The following P3H2 variants were observed in gnomAD, a reference collection of about 807,000 sequenced individuals.
P3H2 encodes leprecan-like 1.
A neutral mutation model predicts 87.0 loss-of-function variants in P3H2; 80 were observed. That is an observed-to-expected ratio of 0.92 (90% CI 0.77 to 1.11). P3H2 has a LOEUF of 1.11. Among genes scored for constraint, P3H2 ranks in the 50% least tolerant of loss-of-function variants. The probability of loss-of-function intolerance (pLI) is 0.00; values close to 1 mark genes in which losing one functional copy is unlikely to be tolerated. For missense variants in P3H2, 1,001 were observed against 923.9 expected (o/e 1.08, Z -1.08); for synonymous variants, 367 against 359.3 (o/e 1.02, Z -0.24).
intron 1 of P3H2, among the ~76,000 whole-genome samples, chr3:190,037,104 T>C (rs942587092): frequency 2.0e-5 from 3 of 152,114 alleles, no homozygotes; most frequent in African/African-American, 7.2e-5. Context: ...ATATAGCTCA[T>C]CTCATTTGAC....
intron 1 of P3H2, among the ~76,000 whole-genome samples, chr3:190,111,313 C>T (rs1712061438): frequency 6.6e-6 from 1 of 152,114 alleles, no homozygotes; most frequent in Admixed American, 6.5e-5. Flanking sequence ...CGGGGCCTTA[C>T]AAATAGTGGT....
intron 1 of P3H2, among the ~76,000 whole-genome samples, chr3:190,009,993 G>GATGA (rs1203633959): frequency 6.6e-6 from 1 of 152,226 alleles, no homozygotes; most frequent in South Asian, 2.1e-4. Flanking sequence ...ATAAAAGGAA[G>GATGA]ATGACTAGGA....
chr3:190,040,329 A>G (rs1372102223), intron 1 of P3H2, among the ~76,000 whole-genome samples: 2 of 152,248 alleles, frequency 1.3e-5, no homozygotes, highest in African/African-American at 4.8e-5. Context: ...CATTCGGTCC[A>G]TAAACCTGGT....
In P3H2 at chr3:189,957,953, C is replaced by T. The variant is rs775377613; in HGVS notation, c.2086G>A (p.Gly696Arg). 6.2e-7 allele frequency: 1 copy of T among 1,613,592 alleles called. No individual in the cohort carries two copies. Among genetic ancestry groups the T allele is most frequent in the African/African-American group, 1.3e-5 (1 of 74,902 alleles). ...VIAILDQEQQ[G>R]KHELNINPKD... ...GGGTTGATATTCAGTTCATGCTTCC[C>T]TTGCTGTTCTTGATCCAGAATTGCA... is the stretch of plus-strand genomic sequence containing the variant. Residue 696 changes from glycine to arginine, a missense_variant, in exon 15 of 15, where the codon GGG becomes AGG. Gly to Arg is a moderately radical substitution (Grantham distance 125). Transcript: ENST00000319332.
intron 1 of P3H2, among the ~76,000 whole-genome samples, chr3:190,071,163 C>T (rs985641301): frequency 2.0e-5 from 3 of 152,132 alleles, no homozygotes; most frequent in Non-Finnish European, 4.4e-5. Context: ...GTGACATTGA[C>T]TTTAGCTATT....
intron 1 of P3H2, among the ~76,000 whole-genome samples, chr3:190,022,474 T>C (rs1239177391): frequency 7.4e-6 from 1 of 135,544 alleles, no homozygotes; most frequent in Non-Finnish European, 1.7e-5. Context: ...GAAATATAAA[T>C]AATGAAGTGA....
upstream of P3H2, chr3:190,121,559 A>C (rs1323165392): frequency 6.6e-6 from 1 of 152,212 alleles, no homozygotes; most frequent in African/African-American, 2.4e-5. Context: ...CTTGGTGTGG[A>C]TGTGTGTCCG....
chr3:190,043,134 AAAT>A (rs1318831021), intron 1 of P3H2, among the ~76,000 whole-genome samples: 3 of 109,124 alleles, frequency 2.7e-5, no homozygotes, highest in African/African-American at 9.3e-5. Context: ...AATTATCACA[AAAT>A]AATAGAAGCG....
intron 8 of P3H2, among the ~76,000 whole-genome samples, chr3:189,979,937 C>A (rs1320280857): frequency 1.3e-5 from 2 of 152,124 alleles, no homozygotes; most frequent in Admixed American, 6.5e-5. Flanking sequence ...CACTGTACTC[C>A]CGCCTGGGTG....
chr3:190,075,196 A>G (rs892337251), intron 1 of P3H2, among the ~76,000 whole-genome samples: 6 of 152,238 alleles, frequency 3.9e-5, no homozygotes, highest in Admixed American at 3.9e-4. Flanking sequence ...GTAGAAAAGA[A>G]TAAGTGCAGC....
chr3:190,062,844 G>C (rs1211853134), intron 1 of P3H2, among the ~76,000 whole-genome samples: 1 of 152,054 alleles, frequency 6.6e-6, no homozygotes, highest in Non-Finnish European at 1.5e-5. Context: ...CCAAGGACTT[G>C]AACAGGAAGC....
At chr3:189,966,167 GAAAGAAAGAAAGAAAGAA>G (rs1477408270) in intron 13 of P3H2, among the ~76,000 whole-genome samples, 3 of 147,660 alleles carry the variant, frequency 2.0e-5, no homozygotes, top group Non-Finnish European at 4.5e-5. Flanking sequence ...AAGAAAGAAA[GAAAGAAAGAAAGAAAGAA>G]AGAAAGAAAA....
intron 1 of P3H2, among the ~76,000 whole-genome samples, chr3:190,047,679 A>G (rs938430955): frequency 6.6e-6 from 1 of 152,212 alleles, no homozygotes; most frequent in African/African-American, 2.4e-5. Context: ...CAGGCTCAGA[A>G]AGACAAATAT....
At chr3:189,965,552 C>T (rs1033981528) in intron 13 of P3H2, among the ~76,000 whole-genome samples, 1 of 152,222 alleles carries the variant, frequency 6.6e-6, no homozygotes, top group Non-Finnish European at 1.5e-5. Flanking sequence ...GGCAACTGTT[C>T]TGATGTAAAT....
chr3:190,047,095 C>T (rs1725832620), intron 1 of P3H2, among the ~76,000 whole-genome samples: 1 of 152,060 alleles, frequency 6.6e-6, no homozygotes, highest in Non-Finnish European at 1.5e-5. Flanking sequence ...TCGGAATAGA[C>T]ATTTCTTAAA....
intron 1 of P3H2, among the ~76,000 whole-genome samples, chr3:190,070,885 C>G (rs1382579204): frequency 6.6e-6 from 1 of 152,156 alleles, no homozygotes; most frequent in Non-Finnish European, 1.5e-5. Flanking sequence ...TTTTAGCTGA[C>G]CCGACCAGAA....
At chr3:189,970,268 A>G (rs1011369484) in intron 13 of P3H2, among the ~76,000 whole-genome samples, 4 of 135,722 alleles carry the variant, frequency 2.9e-5, no homozygotes, top group Non-Finnish European at 6.2e-5. Flanking sequence ...GGGCATATTT[A>G]TATGTGTGTA....
At chr3:189,965,319 G>A (rs907677745) in intron 13 of P3H2, among the ~76,000 whole-genome samples, 2 of 152,186 alleles carry the variant, frequency 1.3e-5, no homozygotes, top group African/African-American at 4.8e-5. Flanking sequence ...AGGTGGAGGA[G>A]TCGGAAAGCC....
At chr3:189,994,379 A>G in intron 2 of P3H2, 96 bp from the exon 3 acceptor site, 1 of 995,676 alleles carries the variant, frequency 1.0e-6, no homozygotes, top group Non-Finnish European at 1.5e-6. Context: ...TTGACTCAGG[A>G]TCATCTAGGT....
Sources: gnomAD v4.1 joint callset for allele counts (sites outside exome capture counted in the v4.1 genomes callset) on GRCh38, gnomAD v4.1.1 for gene constraint, MANE v1.5 for transcripts, NCBI Gene and HGNC (gene_info 2026-07-23, HGNC 2026-07-21) for gene names.